Variants in GRID1 observed in about 807,000 individuals in gnomAD.
The protein encoded by GRID1 is glutamate receptor ionotropic, delta-1.
A neutral mutation model predicts 98.0 loss-of-function variants in GRID1; 28 were observed. The observed-to-expected ratio is 0.29, with a 90% CI of 0.21 to 0.39. The LOEUF (loss-of-function observed/expected upper bound fraction) is 0.39, where lower values mean the gene tolerates loss of function less well. Ranked by LOEUF, GRID1 falls within the 10% of genes least tolerant of loss-of-function variation. GRID1 has a pLI of 1.00. For missense variants in GRID1, 1,111 were observed against 1,340.5 expected (o/e 0.83, Z 2.67); for synonymous variants, 553 against 538.5 (o/e 1.03, Z -0.37).
chr10:85,678,943 C>T lies in GRID1; in HGVS notation c.1998-31546G>A, dbSNP rs531109924. ...AGAGGGAACTAAACTCAGCCAAGTC[C>T]CACGCTGCTGCTTAACATGCATTAT... On this transcript the variant is annotated intron_variant, in intron 12 of 15. Transcript: ENST00000327946. 8.5e-4 allele frequency among the ~76,000 whole-genome samples: 129 copies of T among 152,312 alleles called. 1 individual carries two copies. The highest frequency in any genetic ancestry group is 3.0e-3 in the African/African-American group (126 of 41,570).
chr10:85,850,179 A>G (rs1216572658), intron 8 of GRID1, among the ~76,000 whole-genome samples: 2 of 152,180 alleles, frequency 1.3e-5, no homozygotes, highest in Non-Finnish European at 2.9e-5. Flanking sequence ...GTTTTCCTGC[A>G]CAAGGGACCC....
chr10:85,629,542 G>C (rs1842951551), intron 13 of GRID1, among the ~76,000 whole-genome samples: 1 of 152,228 alleles, frequency 6.6e-6, no homozygotes, highest in Non-Finnish European at 1.5e-5. Context: ...TTCCATCCAC[G>C]ATACTGCAAA....
At chr10:86,078,490 T>C (rs1843917286) in intron 4 of GRID1, among the ~76,000 whole-genome samples, 2 of 152,184 alleles carry the variant, frequency 1.3e-5, no homozygotes, top group African/African-American at 2.4e-5. Context: ...CCCCCTGCCC[T>C]GCCTCCTCTC....
chr10:86,170,880 T>C (rs568549241), intron 3 of GRID1, among the ~76,000 whole-genome samples: 2 of 152,268 alleles, frequency 1.3e-5, no homozygotes, highest in South Asian at 4.1e-4. Context: ...TAAAATAGCA[T>C]GTTTACTCAC....
intron 12 of GRID1, among the ~76,000 whole-genome samples, chr10:85,711,632 T>C (rs571019795): frequency 6.6e-6 from 1 of 152,030 alleles, no homozygotes; most frequent in South Asian, 2.1e-4. Flanking sequence ...TTTTATGTTA[T>C]GTATATTTTA....
chr10:85,991,782 G>T (rs998043692), intron 4 of GRID1, among the ~76,000 whole-genome samples: 1 of 152,180 alleles, frequency 6.6e-6, no homozygotes, highest in African/African-American at 2.4e-5. Context: ...GACAAATTGT[G>T]GCGGGTGGAA....
At chr10:85,849,331 G>C (rs990193955) in intron 8 of GRID1, among the ~76,000 whole-genome samples, 8 of 152,184 alleles carry the variant, frequency 5.3e-5, no homozygotes, top group Non-Finnish European at 1.0e-4. Flanking sequence ...GGCTCTCCCA[G>C]GGATGCAACA....
At chr10:86,331,727 C>T (rs1210233722) in intron 2 of GRID1, among the ~76,000 whole-genome samples, 2 of 152,210 alleles carry the variant, frequency 1.3e-5, no homozygotes, top group South Asian at 2.1e-4. Flanking sequence ...GGGGCAGGTA[C>T]CAAGTGTCTG....
At chr10:85,810,415 A>G (rs1842660756) in intron 8 of GRID1, among the ~76,000 whole-genome samples, 1 of 152,170 alleles carries the variant, frequency 6.6e-6, no homozygotes, top group Non-Finnish European at 1.5e-5. Flanking sequence ...CCAGATAAAC[A>G]GTCCAGCAGA....
chr10:85,947,968 A>C (rs1187894163), intron 4 of GRID1, among the ~76,000 whole-genome samples: 1 of 152,270 alleles, frequency 6.6e-6, no homozygotes, highest in Admixed American at 6.5e-5. Flanking sequence ...GAAATTTTTG[A>C]AAATGGTATT....
At chr10:86,003,445 C>T (rs1299921244) in intron 4 of GRID1, among the ~76,000 whole-genome samples, 3 of 152,200 alleles carry the variant, frequency 2.0e-5, no homozygotes, top group Non-Finnish European at 4.4e-5. Context: ...CACTTGTGCC[C>T]CATTTAGAAT....
chr10:86,282,924 G>A (rs1847376435), intron 2 of GRID1, among the ~76,000 whole-genome samples: 1 of 152,092 alleles, frequency 6.6e-6, no homozygotes, highest in African/African-American at 2.4e-5. Flanking sequence ...AACCCACTTG[G>A]CTCACAGTCA....
intron 4 of GRID1, among the ~76,000 whole-genome samples, chr10:86,135,099 TGC>T (rs1844901718): frequency 6.6e-6 from 1 of 152,196 alleles, no homozygotes; most frequent in African/African-American, 2.4e-5. Flanking sequence ...TCTCAGCAGC[TGC>T]TGCCTTGGTC....
intron 4 of GRID1, among the ~76,000 whole-genome samples, chr10:86,000,721 T>A (rs1372913648): frequency 6.6e-6 from 1 of 152,106 alleles, no homozygotes; most frequent in African/African-American, 2.4e-5. Flanking sequence ...AATCCATATA[T>A]CAAAAAAATT....
intron 12 of GRID1, among the ~76,000 whole-genome samples, chr10:85,659,025 T>C (rs1304090561): frequency 6.6e-6 from 1 of 152,214 alleles, no homozygotes; most frequent in Admixed American, 6.5e-5. Context: ...CTATCGATGT[T>C]CCCTAGACAA....
At chr10:86,110,179 G>A (rs976926491) in intron 4 of GRID1, among the ~76,000 whole-genome samples, 2 of 151,942 alleles carry the variant, frequency 1.3e-5, no homozygotes, top group African/African-American at 4.8e-5. Flanking sequence ...TCACCATATT[G>A]GTCAGGCTGA....
At chr10:85,878,732 C>T (rs1244626590) in intron 5 of GRID1, among the ~76,000 whole-genome samples, 1 of 152,068 alleles carries the variant, frequency 6.6e-6, no homozygotes, top group Admixed American at 6.5e-5. Context: ...AAATAACCAG[C>T]TAACATCATA....
intron 4 of GRID1, among the ~76,000 whole-genome samples, chr10:85,985,597 T>G (rs569914532): frequency 0.011 from 1,641 of 152,290 alleles, no homozygotes; most frequent in African/African-American, 0.038. Flanking sequence ...TACATCTGGG[T>G]TCCCAGGATG....
At chr10:86,340,331 A>G (rs1848292650) in intron 2 of GRID1, among the ~76,000 whole-genome samples, 1 of 152,228 alleles carries the variant, frequency 6.6e-6, no homozygotes, top group Non-Finnish European at 1.5e-5. Context: ...AGGCTAAGGC[A>G]ACGCTTCCCT....
Sources: gnomAD v4.1 joint callset for allele counts (sites outside exome capture counted in the v4.1 genomes callset) on GRCh38, gnomAD v4.1.1 for gene constraint, MANE v1.5 for transcripts, NCBI Gene and HGNC (gene_info 2026-07-23, HGNC 2026-07-21) for gene names.